GRIK2: variants seen among roughly 807,000 people sequenced by gnomAD.
GRIK2 encodes the protein glutamate ionotropic receptor kainate type subunit 2.
In GRIK2, 32 loss-of-function variants were observed where a neutral mutation model predicts 100.3. The observed-to-expected ratio is 0.32, with a 90% CI of 0.24 to 0.43. The LOEUF is 0.43. Ranked by LOEUF, GRIK2 falls within the 20% of genes least tolerant of loss-of-function variation. The pLI is 1.00. For missense variants in GRIK2, 843 were observed against 1,114.9 expected (o/e 0.76, Z 3.47); for synonymous variants, 417 against 389.4 (o/e 1.07, Z -0.83).
chr6:101,539,720 A>G (rs1205430272), intron 2 of GRIK2, among the ~76,000 whole-genome samples: 1 of 151,826 alleles, frequency 6.6e-6, no homozygotes, highest in Non-Finnish European at 1.5e-5. Context: ...TGGCTGAGTC[A>G]TAAACACAAT....
intron 14 of GRIK2, among the ~76,000 whole-genome samples, chr6:101,988,790 A>G (rs1427728287): frequency 6.6e-6 from 1 of 151,946 alleles, no homozygotes; most frequent in Non-Finnish European, 1.5e-5. Flanking sequence ...TTAAATGTGA[A>G]TAAAATCAAA....
At chr6:101,618,580 A>G (rs1038341625) in intron 2 of GRIK2, among the ~76,000 whole-genome samples, 2 of 151,670 alleles carry the variant, frequency 1.3e-5, no homozygotes, top group African/African-American at 4.8e-5. Flanking sequence ...GTCCAAATTT[A>G]TTGATTTTCA....
chr6:101,799,679 A>G lies in GRIK2; in HGVS notation c.983A>G (p.His328Arg). Residue 328 changes from histidine to arginine, a missense_variant, in exon 8 of 17, where the codon CAT becomes CGT. Physicochemically the swap from His to Arg is conservative, Grantham distance 29. Transcript: ENST00000369134. ...GCTGCTCTAATGTATGATGCTGTGC[A>G]TGTGGTGTCTGTGGCCGTTCAACAG... Reference protein sequence around the residue: ...TDAALMYDAVHVVSVAVQQFP... With the variant: ...TDAALMYDAVRVVSVAVQQFP... 1 of 1,613,048 alleles carries G rather than the reference A, an allele frequency of 6.2e-7. No homozygotes were observed. Among genetic ancestry groups the G allele is most frequent in the Non-Finnish European group, 8.5e-7 (1 of 1,179,236 alleles).
chr6:101,515,342 A>C (rs1334601919), intron 2 of GRIK2, among the ~76,000 whole-genome samples: 3 of 152,038 alleles, frequency 2.0e-5, no homozygotes, highest in Non-Finnish European at 4.4e-5. Context: ...TTGGTTCCAC[A>C]ATTTTGCAGT....
chr6:101,554,569 G>T (rs1482802146), intron 2 of GRIK2, among the ~76,000 whole-genome samples: 1 of 152,058 alleles, frequency 6.6e-6, no homozygotes, highest in Non-Finnish European at 1.5e-5. Flanking sequence ...TCCTGGCTAG[G>T]TTAGGTGACC....
intron 2 of GRIK2, among the ~76,000 whole-genome samples, chr6:101,542,085 G>T (rs1252854038): frequency 1.3e-5 from 2 of 151,990 alleles, no homozygotes; most frequent in African/African-American, 2.4e-5. Context: ...AAAAGTCTTG[G>T]ATTCTAAGGT....
intron 12 of GRIK2, among the ~76,000 whole-genome samples, chr6:101,909,372 T>TTTTTTTG (rs1296592583): frequency 1.4e-4 from 7 of 50,594 alleles, no homozygotes; most frequent in Non-Finnish European, 2.7e-4. Context: ...GAAGATAGGG[T>TTTTTTTG]TTTCTTTTTC....
chr6:101,908,559 T>A (rs554486825), intron 12 of GRIK2, among the ~76,000 whole-genome samples: 1 of 151,256 alleles, frequency 6.6e-6, no homozygotes, highest in Non-Finnish European at 1.5e-5. Flanking sequence ...TATAAGTTAA[T>A]GTTACCATAA....
chr6:101,732,151 G>T (rs1001943618), intron 7 of GRIK2, among the ~76,000 whole-genome samples: 1 of 151,356 alleles, frequency 6.6e-6, no homozygotes, highest in South Asian at 2.1e-4. Flanking sequence ...TTATATTTTG[G>T]TTATTCCTTT....
At chr6:101,901,487 T>C (rs1463888013) in intron 12 of GRIK2, among the ~76,000 whole-genome samples, 1 of 151,836 alleles carries the variant, frequency 6.6e-6, no homozygotes, top group Admixed American at 6.6e-5. Context: ...TAGATGATTA[T>C]AATAATTTGT....
intron 10 of GRIK2, among the ~76,000 whole-genome samples, chr6:101,854,524 T>G (rs1300121163): frequency 1.3e-5 from 2 of 152,106 alleles, no homozygotes; most frequent in Non-Finnish European, 2.9e-5. Context: ...CCTCCCAAAC[T>G]GTTGTGATTA....
intron 7 of GRIK2, among the ~76,000 whole-genome samples, chr6:101,789,682 G>A (rs1378943704): frequency 6.6e-6 from 1 of 152,104 alleles, no homozygotes; most frequent in Admixed American, 6.6e-5. Flanking sequence ...TTGACTTGGC[G>A]ATGCGGGCTC....
intron 10 of GRIK2, among the ~76,000 whole-genome samples, chr6:101,851,268 G>C (rs893134650): frequency 2.0e-5 from 3 of 151,912 alleles, no homozygotes; most frequent in African/African-American, 7.2e-5. Context: ...CAAATTAACA[G>C]GTAGGAGGCT....
At chr6:101,705,309 T>G (rs1773191038) in intron 7 of GRIK2, among the ~76,000 whole-genome samples, 1 of 151,696 alleles carries the variant, frequency 6.6e-6, no homozygotes, top group South Asian at 2.1e-4. Flanking sequence ...TTCTTTTTTT[T>G]AACTGTAGCC....
chr6:101,776,276 A>G (rs1778740704), intron 7 of GRIK2, among the ~76,000 whole-genome samples: 1 of 152,184 alleles, frequency 6.6e-6, no homozygotes. Context: ...GCCTAAGAAT[A>G]ATTACTTTTG....
At chr6:101,966,723 T>C (rs1352830504) in intron 14 of GRIK2, among the ~76,000 whole-genome samples, 9 of 152,088 alleles carry the variant, frequency 5.9e-5, no homozygotes, top group Non-Finnish European at 8.8e-5. Context: ...CCTGAGATTA[T>C]GATTGATAGG....
At chr6:101,575,063 CAT>C (rs1424522906) in intron 2 of GRIK2, among the ~76,000 whole-genome samples, 2 of 151,356 alleles carry the variant, frequency 1.3e-5, no homozygotes, top group Admixed American at 6.6e-5. Flanking sequence ...TTAATATTGT[CAT>C]ATGATTTATT....
At chr6:101,420,714 G>T (rs1006286042) in intron 2 of GRIK2, among the ~76,000 whole-genome samples, 1 of 152,144 alleles carries the variant, frequency 6.6e-6, no homozygotes. Context: ...GAGCCACTGG[G>T]TTTTCAGGAA....
At chr6:101,583,783 C>T (rs1288882523) in intron 2 of GRIK2, among the ~76,000 whole-genome samples, 1 of 152,090 alleles carries the variant, frequency 6.6e-6, no homozygotes, top group East Asian at 1.9e-4. Context: ...TCATTTGGTG[C>T]TTTTGTTTGA....
Sources: gnomAD v4.1 joint callset for allele counts (sites outside exome capture counted in the v4.1 genomes callset) on GRCh38, gnomAD v4.1.1 for gene constraint, MANE v1.5 for transcripts, NCBI Gene and HGNC (gene_info 2026-07-23, HGNC 2026-07-21) for gene names.